BTBD9: variants seen among roughly 807,000 people sequenced by gnomAD.
BTBD9 encodes BTB/POZ domain-containing protein 9.
A neutral mutation model predicts 64.3 loss-of-function variants in BTBD9; 49 were observed. The ratio of observed to expected loss-of-function variants is 0.76; its 90% CI spans 0.61 to 0.97. The LOEUF is 0.97. Ranked by LOEUF, BTBD9 falls within the 50% of genes least tolerant of loss-of-function variation. BTBD9 has a pLI of 0.00. For synonymous variants in BTBD9, 260 were observed against 274.7 expected, an observed-to-expected ratio of 0.95 and a Z score of 0.53; for missense variants, 598 against 762.1, an observed-to-expected ratio of 0.78 and a Z score of 2.53.
chr6:38,574,820 CAAG>C (rs982735927), intron 6 of BTBD9, among the ~76,000 whole-genome samples: 44 of 151,810 alleles, frequency 2.9e-4, no homozygotes, highest in African/African-American at 9.9e-4. Flanking sequence ...TTGTTTTAAA[CAAG>C]AATTTGAGAA....
chr6:38,384,509 T>C (rs1227725969), intron 6 of BTBD9, among the ~76,000 whole-genome samples: 1 of 152,226 alleles, frequency 6.6e-6, no homozygotes, highest in Non-Finnish European at 1.5e-5. Flanking sequence ...GCTTAGTTCA[T>C]ACAGAAGTTA....
At chr6:38,535,678 A>T (rs1013480205) in intron 6 of BTBD9, among the ~76,000 whole-genome samples, 5 of 152,174 alleles carry the variant, frequency 3.3e-5, no homozygotes, top group Non-Finnish European at 5.9e-5. Flanking sequence ...CCAACGGAAC[A>T]GAATTGAGAA....
At chr6:38,295,529 T>C (rs1049606295) in intron 7 of BTBD9, among the ~76,000 whole-genome samples, 1 of 152,188 alleles carries the variant, frequency 6.6e-6, no homozygotes, top group Non-Finnish European at 1.5e-5. Context: ...TTTTCCTAAT[T>C]TTCTCCTACA....
intron 1 of BTBD9, among the ~76,000 whole-genome samples, chr6:38,604,541 T>G (rs2127503876): frequency 6.6e-6 from 1 of 152,280 alleles, no homozygotes; most frequent in East Asian, 1.9e-4. Context: ...AGTCTCTACT[T>G]TTGAAGAACT....
At chr6:38,461,544 AAC>A (rs1055174187) in intron 6 of BTBD9, among the ~76,000 whole-genome samples, 4 of 152,232 alleles carry the variant, frequency 2.6e-5, no homozygotes, top group Non-Finnish European at 4.4e-5. Flanking sequence ...AATAAATTAA[AAC>A]ACAATTCGTT....
At chr6:38,293,340 A>C (rs1762032945) in intron 7 of BTBD9, among the ~76,000 whole-genome samples, 1 of 152,222 alleles carries the variant, frequency 6.6e-6, no homozygotes, top group African/African-American at 2.4e-5. Context: ...CATGGAACCA[A>C]AAAAGAGCTT....
intron 6 of BTBD9, among the ~76,000 whole-genome samples, chr6:38,346,729 G>A (rs1764290717): frequency 6.6e-6 from 1 of 152,162 alleles, no homozygotes; most frequent in South Asian, 2.1e-4. Flanking sequence ...TTCTGGAAGG[G>A]AAGGGGTGTA....
chr6:38,296,943 T>C (rs1028174394), intron 7 of BTBD9, among the ~76,000 whole-genome samples: 2 of 152,234 alleles, frequency 1.3e-5, no homozygotes, highest in Non-Finnish European at 2.9e-5. Context: ...GAATGTCTTA[T>C]GTGTGCCTCA....
chr6:38,191,638 G>T (rs1483927828), intron 10 of BTBD9, among the ~76,000 whole-genome samples: 2 of 152,238 alleles, frequency 1.3e-5, no homozygotes, highest in Non-Finnish European at 2.9e-5. Flanking sequence ...CTGTGCCAGG[G>T]CCCCTGTTGG....
chr6:38,438,315 G>T (rs1415278271), intron 6 of BTBD9, among the ~76,000 whole-genome samples: 1 of 151,128 alleles, frequency 6.6e-6, no homozygotes, highest in Non-Finnish European at 1.5e-5. Context: ...ACAAAAAACT[G>T]CTTTCACATA....
At chr6:38,221,971 CAG>C (rs1763211998) in intron 9 of BTBD9, among the ~76,000 whole-genome samples, 1 of 151,630 alleles carries the variant, frequency 6.6e-6, no homozygotes, top group Non-Finnish European at 1.5e-5. Flanking sequence ...AGCCTGGTGA[CAG>C]AGAGAGACTC....
chr6:38,173,867 G>A lies in BTBD9; in HGVS notation c.*1118C>T, dbSNP rs547228449. The A allele has an allele frequency of 2.0e-5, 3 of 152,426 alleles. No homozygotes were observed. The South Asian group carries it at 6.2e-4, about 32-fold the overall frequency. 9.4% of individuals were successfully genotyped at this position (152,426 alleles called of 1,614,324 possible). A position where few individuals can be genotyped will look rare whatever the true frequency, so the allele number is the denominator to read the frequency against. The stretch of plus-strand genomic sequence containing the variant: ...CTGGAATGGAAATCACTAAGTAGGA[G>A]ACGGAGCCACATCAAGCCACCATCG... On this transcript the variant is annotated 3_prime_UTR_variant, in exon 11 of 11. Coordinates refer to ENST00000481247, the MANE Select transcript of BTBD9 (RefSeq NM_001099272.2).
At chr6:38,218,107 C>T (rs1004383532) in intron 9 of BTBD9, among the ~76,000 whole-genome samples, 11 of 152,120 alleles carry the variant, frequency 7.2e-5, no homozygotes, top group African/African-American at 1.4e-4. Flanking sequence ...TAGGAACTGG[C>T]TCTCACTGGT....
At chr6:38,618,826 T>C (rs191852439) in intron 1 of BTBD9, among the ~76,000 whole-genome samples, 32 of 152,274 alleles carry the variant, frequency 2.1e-4, no homozygotes, top group Non-Finnish European at 3.7e-4. Flanking sequence ...GAATGTGGCT[T>C]AAGCTGCAGC....
chr6:38,299,934 T>C (rs932824562), intron 7 of BTBD9, among the ~76,000 whole-genome samples: 18 of 152,232 alleles, frequency 1.2e-4, no homozygotes, highest in Non-Finnish European at 2.6e-4. Flanking sequence ...TCCTTGACCA[T>C]GCCTATGTCC....
At chr6:38,258,968 G>A (rs1180863003) in intron 8 of BTBD9, among the ~76,000 whole-genome samples, 1 of 152,156 alleles carries the variant, frequency 6.6e-6, no homozygotes, top group African/African-American at 2.4e-5. Context: ...TGTGTATTAG[G>A]CCCTATGTTA....
rs1462729206 is a variant in BTBD9 at position 38,292,499 on chromosome 6, G to T, written c.1265-4038C>A. ...AATTACTGCCTCAATTTCAGAATTTGTTATTGGTCTATTCAGGGATTCGAC... is the reference window on the plus strand; with the variant it reads ...AATTACTGCCTCAATTTCAGAATTTTTTATTGGTCTATTCAGGGATTCGAC... On this transcript the variant is annotated intron_variant, in intron 7 of 10. Transcript: ENST00000481247. Among the ~76,000 whole-genome samples the T allele has an allele frequency of 2.6e-5, 4 of 152,198 alleles. No individual in the cohort carries two copies. In the East Asian group the frequency reaches 7.7e-4, roughly 29 times the overall value.
intron 10 of BTBD9, chr6:38,179,608 T>G: frequency 6.6e-6 from 3 of 456,724 alleles, no homozygotes; most frequent in Non-Finnish European, 1.3e-5. Context: ...TCTCAGGCAG[T>G]TGGGGGCAGA....
At chr6:38,387,523 G>T (rs1396479176) in intron 6 of BTBD9, among the ~76,000 whole-genome samples, 2 of 151,900 alleles carry the variant, frequency 1.3e-5, no homozygotes, top group Non-Finnish European at 2.9e-5. Flanking sequence ...GGCAAGAAGA[G>T]CAAAACTCCA....
Sources: allele counts gnomAD v4.1 joint callset (sites outside exome capture counted in the v4.1 genomes callset), GRCh38; gene constraint gnomAD v4.1.1; transcripts MANE v1.5; gene names NCBI Gene and HGNC (gene_info 2026-07-23, HGNC 2026-07-21).